The following ADORA2B variants were observed in gnomAD, a reference collection of about 807,000 sequenced individuals.
ADORA2B encodes the protein adenosine receptor A2b.
ADORA2B carries 18 observed loss-of-function variants against 20.8 expected under a neutral mutation model. The observed-to-expected ratio is 0.87, with a 90% CI of 0.60 to 1.29. ADORA2B has a LOEUF of 1.29. Among genes scored for constraint, ADORA2B ranks in the 50% most tolerant of loss-of-function variants. The pLI is 0.00. For synonymous variants in ADORA2B, 179 were observed against 178.3 expected, an observed-to-expected ratio of 1.00 and a Z score of -0.03; for missense variants, 441 against 422.7, an observed-to-expected ratio of 1.04 and a Z score of -0.38.
the ADORA2B span, among the ~76,000 whole-genome samples, chr17:15,940,129 A>T: frequency 2.0e-5 from 3 of 152,196 alleles, no homozygotes; most frequent in African/African-American, 7.2e-5. Context: ...TTGTTCAAGA[A>T]CCCTAGGAAA....
the ADORA2B span, among the ~76,000 whole-genome samples, chr17:15,890,129 C>G: frequency 0.18 from 23,552 of 128,522 alleles, 7,288 homozygotes; most frequent in African/African-American, 0.39. Flanking sequence ...ATGTTCCCAT[C>G]AACCGATATA....
At chr17:15,930,636 T>A in the ADORA2B span, among the ~76,000 whole-genome samples, 11 of 152,154 alleles carry the variant, frequency 7.2e-5, no homozygotes, top group African/African-American at 2.7e-4. Context: ...ATTCAGATCT[T>A]ACCCAGAGAC....
At chr17:15,892,650 CTTTCTT>C in the ADORA2B span, among the ~76,000 whole-genome samples, 19 of 150,416 alleles carry the variant, frequency 1.3e-4, no homozygotes, top group African/African-American at 4.4e-4. Flanking sequence ...TTTTTTCTTT[CTTTCTT>C]TTTTTTTTTT....
At chr17:15,890,320 G>A in the ADORA2B span, among the ~76,000 whole-genome samples, 2 of 127,662 alleles carry the variant, frequency 1.6e-5, no homozygotes, top group East Asian at 2.1e-4. Flanking sequence ...TCATTTCCCT[G>A]CCAATTTTTA....
At chr17:15,926,404 A>T in the ADORA2B span, among the ~76,000 whole-genome samples, 1 of 152,116 alleles carries the variant, frequency 6.6e-6, no homozygotes, top group Admixed American at 6.5e-5. Context: ...TCTAGGGAGG[A>T]TGGTCAGAGG....
intron 1 of ADORA2B, among the ~76,000 whole-genome samples, chr17:15,971,983 T>C (rs1970193674): frequency 6.6e-6 from 1 of 152,090 alleles, no homozygotes; most frequent in South Asian, 2.1e-4. Flanking sequence ...GTGCTAGGTC[T>C]TCGGGATACC....
At chr17:15,934,752 C>T in the ADORA2B span, among the ~76,000 whole-genome samples, 1 of 152,108 alleles carries the variant, frequency 6.6e-6, no homozygotes, top group Non-Finnish European at 1.5e-5. Context: ...GTGTGCCCAT[C>T]AGCACATATT....
At chr17:15,969,775 ATC>A (rs1567784005) in intron 1 of ADORA2B, among the ~76,000 whole-genome samples, 1 of 152,140 alleles carries the variant, frequency 6.6e-6, no homozygotes, top group Admixed American at 6.5e-5. Context: ...TTCCTAGCTG[ATC>A]TCTCTGCTTT....
At chr17:15,921,052 C>T in the ADORA2B span, among the ~76,000 whole-genome samples, 6 of 152,236 alleles carry the variant, frequency 3.9e-5, no homozygotes, top group Non-Finnish European at 7.3e-5. Context: ...TCCGGCCTTC[C>T]GATCATTCCA....
chr17:15,952,252 G>T (rs183002267), intron 1 of ADORA2B, among the ~76,000 whole-genome samples: 1 of 152,168 alleles, frequency 6.6e-6, no homozygotes, highest in African/African-American at 2.4e-5. Context: ...ATATGGGGAA[G>T]TGTCCTCAGC....
chr17:15,877,056 A>G, the ADORA2B span, among the ~76,000 whole-genome samples: 1 of 152,224 alleles, frequency 6.6e-6, no homozygotes, highest in African/African-American at 2.4e-5. Context: ...CTCAAGGTTC[A>G]TCCACATTAT....
At position 15,975,119 on chromosome 17, in the gene ADORA2B, T is replaced by C; in HGVS notation, c.776T>C (p.Phe259Ser). 1 of 1,614,190 alleles carries C rather than the reference T, an allele frequency of 6.2e-7. No individual in the cohort carries two copies. Among genetic ancestry groups the C allele is most frequent in the Non-Finnish European group, 8.5e-7 (1 of 1,180,032 alleles). Reference sequence around the variant, plus strand: ...CATGCTGTTAACTGTGTCACTCTTTTCCAGCCAGCTCAGGGTAAAAATAAG... The same window carrying C: ...CATGCTGTTAACTGTGTCACTCTTTCCCAGCCAGCTCAGGGTAAAAATAAG... ...PVHAVNCVTL[F>S]QPAQGKNKPK... The change falls in exon 2 of 2, where the codon TTC (phenylalanine) becomes TCC (serine). Residue 259 changes from phenylalanine (F) to serine (S), a missense_variant. Coordinates refer to ENST00000304222, the MANE Select transcript of ADORA2B (RefSeq NM_000676.4).
chr17:15,971,115 T>C (rs373799809), intron 1 of ADORA2B, among the ~76,000 whole-genome samples: 13 of 152,330 alleles, frequency 8.5e-5, no homozygotes, highest in African/African-American at 3.1e-4. Flanking sequence ...GCTGACCTGT[T>C]ACCCGCTGTA....
chr17:15,950,692 G>A (rs760796867), intron 1 of ADORA2B, among the ~76,000 whole-genome samples: 19 of 152,136 alleles, frequency 1.2e-4, no homozygotes, highest in East Asian at 1.9e-4. Flanking sequence ...ACATCATACC[G>A]TTCCCCTGCT....
the ADORA2B span, among the ~76,000 whole-genome samples, chr17:15,882,908 A>G: frequency 6.6e-6 from 1 of 152,146 alleles, no homozygotes; most frequent in Non-Finnish European, 1.5e-5. Flanking sequence ...CAAAGCCATC[A>G]TGTCACCATT....
At chr17:15,956,967 C>T (rs570384838) in intron 1 of ADORA2B, among the ~76,000 whole-genome samples, 2 of 152,220 alleles carry the variant, frequency 1.3e-5, no homozygotes, top group African/African-American at 4.8e-5. Flanking sequence ...CTTGGAATGC[C>T]AAGGTACAAT....
chr17:15,957,480 A>G (rs539065598), intron 1 of ADORA2B, among the ~76,000 whole-genome samples: 54 of 152,324 alleles, frequency 3.5e-4, no homozygotes, highest in African/African-American at 1.3e-3. Flanking sequence ...GACAGGTTCA[A>G]GAGGACTTGG....
intron 1 of ADORA2B, among the ~76,000 whole-genome samples, chr17:15,954,220 C>T (rs946520921): frequency 6.6e-6 from 1 of 152,176 alleles, no homozygotes; most frequent in African/African-American, 2.4e-5. Flanking sequence ...CTCAGGTGAT[C>T]CACCTGCCTC....
At chr17:15,883,623 AAAG>A in the ADORA2B span, among the ~76,000 whole-genome samples, 1 of 152,232 alleles carries the variant, frequency 6.6e-6, no homozygotes. Context: ...TGCTGAGTAA[AAAG>A]AAGCCCGTCA....
Sources: gnomAD v4.1 joint callset for allele counts (sites outside exome capture counted in the v4.1 genomes callset) on GRCh38, gnomAD v4.1.1 for gene constraint, MANE v1.5 for transcripts, NCBI Gene and HGNC (gene_info 2026-07-23, HGNC 2026-07-21) for gene names.